The following CCNY variants were observed in gnomAD, a reference collection of about 807,000 sequenced individuals.
CCNY encodes cyclin Y.
In CCNY, 19 loss-of-function variants were observed where a neutral mutation model predicts 42.8. The observed-to-expected ratio is 0.44, with a 90% CI of 0.31 to 0.65. The LOEUF (loss-of-function observed/expected upper bound fraction) is 0.65, where lower values mean the gene tolerates loss of function less well. Ranked by LOEUF, CCNY falls within the 30% of genes least tolerant of loss-of-function variation. The pLI, the probability that CCNY is intolerant of heterozygous loss-of-function variation, is 0.07. For synonymous variants in CCNY, 165 were observed against 162.7 expected, an observed-to-expected ratio of 1.01 and a Z score of -0.11; for missense variants, 370 against 437.3, an observed-to-expected ratio of 0.85 and a Z score of 1.37.
chr10:35,542,654 TC>T (rs2135437524), intron 7 of CCNY, among the ~76,000 whole-genome samples: 1 of 152,308 alleles, frequency 6.6e-6, no homozygotes, highest in East Asian at 1.9e-4. Context: ...AGCACGGCTG[TC>T]CGATGCCTGC....
chr10:35,496,334 G>T (rs1840002340), intron 2 of CCNY, among the ~76,000 whole-genome samples: 1 of 152,238 alleles, frequency 6.6e-6, no homozygotes. Flanking sequence ...GTTCTTGTTG[G>T]AGGGCGGATG....
chr10:35,543,491 C>T (rs771452700), intron 7 of CCNY, among the ~76,000 whole-genome samples: 16 of 152,158 alleles, frequency 1.1e-4, no homozygotes, highest in Non-Finnish European at 1.6e-4. Flanking sequence ...AAATTCCTGT[C>T]GCCTAGTGAC....
rs142043479 is a variant in CCNY at position 35,381,099 on chromosome 10, C to T, written c.154+43892C>T. 8.2e-3 allele frequency among the ~76,000 whole-genome samples: 1,251 copies of T among 152,268 alleles called. 10 individuals carry two copies. The highest frequency in any genetic ancestry group is 0.028 in the African/African-American group (1,169 of 41,538). On this transcript the variant is annotated intron_variant, in intron 1 of 9. Transcript: ENST00000374704. Reference sequence around the variant, plus strand: ...AACAGTAATAAAAGCATCCAGAAGTCTGCCTGTAAAGTCTAAATGTCTAGA... The same window carrying T: ...AACAGTAATAAAAGCATCCAGAAGTTTGCCTGTAAAGTCTAAATGTCTAGA...
At chr10:35,368,071 A>G (rs1301284238) in intron 1 of CCNY, among the ~76,000 whole-genome samples, 4 of 152,254 alleles carry the variant, frequency 2.6e-5, no homozygotes, top group Non-Finnish European at 4.4e-5. Context: ...AGAGTCTGCA[A>G]TTGATTACAA....
intron 1 of CCNY, chr10:35,449,777 T>C (rs1375517447): frequency 1.0e-6 from 1 of 985,376 alleles, no homozygotes. Context: ...GCTGCAGTGC[T>C]TCTCCTGGCC....
intron 7 of CCNY, among the ~76,000 whole-genome samples, chr10:35,549,097 C>T (rs1430447733): frequency 1.5e-5 from 2 of 132,586 alleles, no homozygotes; most frequent in African/African-American, 6.4e-5. Context: ...CCTCACCACC[C>T]ACCCCACCCC....
chr10:35,362,758 GC>G lies in CCNY; in HGVS notation c.154+25552del, dbSNP rs1392670776. Reference sequence around the variant, plus strand: ...CAGACGGGGCTGCGGCCAGGCAGAGGCGCTCATCACATCCCAGAGGGTGTGG... The same window carrying G: ...CAGACGGGGCTGCGGCCAGGCAGAGGGCTCATCACATCCCAGAGGGTGTGG... On this transcript the variant is annotated intron_variant, in intron 1 of 9. Coordinates refer to ENST00000374704, the MANE Select transcript of CCNY (RefSeq NM_145012.6). Among the ~76,000 whole-genome samples, 13 of 148,810 alleles carry G rather than the reference GC, an allele frequency of 8.7e-5. No individual in the cohort carries two copies. In the East Asian group the frequency reaches 1.4e-3, roughly 16 times the overall value.
At chr10:35,418,848 T>A (rs1273441911) in intron 1 of CCNY, among the ~76,000 whole-genome samples, 1 of 151,990 alleles carries the variant, frequency 6.6e-6, no homozygotes. Flanking sequence ...TTTTTTTTTT[T>A]AATCTCTCTG....
At chr10:35,448,413 A>G (rs1408544331) in intron 1 of CCNY, among the ~76,000 whole-genome samples, 1 of 152,076 alleles carries the variant, frequency 6.6e-6, no homozygotes, top group Non-Finnish European at 1.5e-5. Context: ...CAAGCCCTTT[A>G]ATTTCTCTAT....
rs1193118668 is a variant in CCNY, at chr10:35,307,822, T to A, written c.-9+57196T>A. ...TGTGTATATATATATATATATATTTTTTTTTTTTTTTCTGAGATGGAGTCT... is the reference window on the plus strand; with the variant it reads ...TGTGTATATATATATATATATATTTATTTTTTTTTTTCTGAGATGGAGTCT... On this transcript the variant is annotated intron_variant, in intron 3 of 11. Transcript: ENST00000374706. Among the ~76,000 whole-genome samples the A allele has an allele frequency of 3.3e-4, 45 of 137,246 alleles. 1 individual carries two copies. The highest frequency in any genetic ancestry group is 1.0e-3 in the African/African-American group (36 of 35,734). The allele number at this position is 137,246 out of a possible 152,430, so 90.0% of individuals were successfully genotyped here. A position where few individuals can be genotyped will look rare whatever the true frequency, so the allele number is the denominator to read the frequency against.
At chr10:35,440,680 T>A (rs1838647114) in intron 1 of CCNY, among the ~76,000 whole-genome samples, 1 of 152,198 alleles carries the variant, frequency 6.6e-6, no homozygotes, top group African/African-American at 2.4e-5. Flanking sequence ...AACTTCAGAA[T>A]CAGCTCCTAG....
intron 3 of CCNY, among the ~76,000 whole-genome samples, chr10:35,307,129 C>T (rs908480393): frequency 1.3e-5 from 2 of 152,216 alleles, no homozygotes; most frequent in African/African-American, 4.8e-5. Flanking sequence ...TGGGCCTCTG[C>T]TTCCTGATTC....
intron 4 of CCNY, among the ~76,000 whole-genome samples, chr10:35,521,658 G>A (rs1345478441): frequency 6.6e-6 from 1 of 152,130 alleles, no homozygotes; most frequent in Non-Finnish European, 1.5e-5. Context: ...ATATGCCTTG[G>A]GGTCCTTCAC....
intron 1 of CCNY, among the ~76,000 whole-genome samples, chr10:35,402,738 A>C (rs541781674): frequency 6.6e-6 from 1 of 152,204 alleles, no homozygotes; most frequent in Admixed American, 6.5e-5. Context: ...GGACTTCATC[A>C]GGGTGAAAGT....
At chr10:35,339,217 A>G (rs1223791174) in intron 1 of CCNY, among the ~76,000 whole-genome samples, 1 of 152,240 alleles carries the variant, frequency 6.6e-6, no homozygotes, top group Non-Finnish European at 1.5e-5. Flanking sequence ...AGTTCTCAAC[A>G]TTGGTTTCAG....
intron 3 of CCNY, among the ~76,000 whole-genome samples, chr10:35,292,781 G>GTTTTTTTTTTTTTT (rs71033391): frequency 5.5e-5 from 6 of 108,754 alleles, no homozygotes; most frequent in African/African-American, 1.4e-4. Context: ...CTTTGTTTTT[G>GTTTTTTTTTTTTTT]TTTTTTTTTT....
At chr10:35,569,008 G>A (rs1045274651) in intron 9 of CCNY, 46 bp from the exon 10 acceptor site, 10 of 1,273,740 alleles carry the variant, frequency 7.9e-6, no homozygotes, top group African/African-American at 7.3e-5. Flanking sequence ...AGCAATGGAC[G>A]CAGATATGGC....
chr10:35,551,231 A>G (rs908671498), intron 7 of CCNY, among the ~76,000 whole-genome samples: 1 of 152,172 alleles, frequency 6.6e-6, no homozygotes, highest in Non-Finnish European at 1.5e-5. Context: ...AGAACTTCCT[A>G]AAGTTCAGCC....
intron 1 of CCNY, among the ~76,000 whole-genome samples, chr10:35,358,435 G>A (rs116427672): frequency 0.011 from 1,675 of 152,262 alleles, 41 homozygotes; most frequent in African/African-American, 0.039. Context: ...AAGGATGGCA[G>A]GATTCAGTGG....
Sources: gnomAD v4.1 joint callset for allele counts (sites outside exome capture counted in the v4.1 genomes callset) on GRCh38, gnomAD v4.1.1 for gene constraint, MANE v1.5 for transcripts, NCBI Gene and HGNC (gene_info 2026-07-23, HGNC 2026-07-21) for gene names.